The following DOC2B variants were observed in gnomAD, a reference collection of about 807,000 sequenced individuals.
DOC2B encodes double C2 domain beta.
Under a neutral mutation model 28.9 loss-of-function variants are expected in DOC2B, and 21 were observed. That is an observed-to-expected ratio of 0.73 (90% CI 0.52 to 1.05). The LOEUF (loss-of-function observed/expected upper bound fraction) is 1.05. DOC2B is among the 50% of genes least tolerant of loss of function. The probability of loss-of-function intolerance (pLI) is 0.00; values close to 1 mark genes in which losing one functional copy is unlikely to be tolerated. For missense variants in DOC2B, 384 were observed against 421.1 expected (o/e 0.91, Z 0.77); for synonymous variants, 194 against 178.1 (o/e 1.09, Z -0.71).
intron 1 of DOC2B, among the ~76,000 whole-genome samples, chr17:174,468 T>C (rs992525318): frequency 6.6e-6 from 1 of 152,220 alleles, no homozygotes; most frequent in Non-Finnish European, 1.5e-5. Flanking sequence ...CATTCTGGAA[T>C]GAAACTGTCC....
chr17:172,517 G>T lies in DOC2B; in HGVS notation c.453+20C>A, dbSNP rs148525551. 3.8e-3 allele frequency: 5,833 copies of T among 1,548,654 alleles called. 169 individuals carry two copies. The African/African-American group carries it at 0.07, about 19-fold the overall frequency. On this transcript the variant is annotated intron_variant, in intron 2 of 8. Transcript: ENST00000613549. ...AGGACCCCGGGGCAGGGAATTTGGG[G>T]GCAGGCTGGCGGGGCCTACCTTGGC...
chr17:159,001 G>A lies in DOC2B; in HGVS notation c.765+2414C>T, dbSNP rs180674392. Among the ~76,000 whole-genome samples, 122 of 145,978 alleles carry A rather than the reference G, an allele frequency of 8.4e-4. 1 individual carries two copies. Among genetic ancestry groups the A allele is most frequent in the Non-Finnish European group, 1.4e-3 (97 of 67,284 alleles). Reference sequence around the variant, plus strand: ...GGAGGTTGAAGTAAGCCGACATTGCGCCACTGCACTCCAGCCTGGGCGACA... The same window carrying A: ...GGAGGTTGAAGTAAGCCGACATTGCACCACTGCACTCCAGCCTGGGCGACA... On this transcript the variant is annotated intron_variant, in intron 5 of 8. Coordinates refer to ENST00000613549, the MANE Select transcript of DOC2B (RefSeq NM_003585.5).
At chr17:153,729 T>C (rs558460839) in intron 6 of DOC2B, among the ~76,000 whole-genome samples, 1 of 152,072 alleles carries the variant, frequency 6.6e-6, no homozygotes, top group East Asian at 1.9e-4. Context: ...CCATTTTGGC[T>C]TCAGATTGCA....
At chr17:159,047 A>AC (rs1415920011) in intron 5 of DOC2B, among the ~76,000 whole-genome samples, 2 of 151,684 alleles carry the variant, frequency 1.3e-5, no homozygotes, top group Non-Finnish European at 2.9e-5. Context: ...CTCATAAAAA[A>AC]AAAAAAAAAA....
At chr17:169,206 G>A (rs2040284108) in intron 2 of DOC2B, among the ~76,000 whole-genome samples, 1 of 152,092 alleles carries the variant, frequency 6.6e-6, no homozygotes, top group African/African-American at 2.4e-5. Flanking sequence ...ATTCTGCGGA[G>A]TGAAAGAAGG....
intron 2 of DOC2B, among the ~76,000 whole-genome samples, chr17:169,700 A>G (rs1242046322): frequency 6.6e-6 from 1 of 152,058 alleles, no homozygotes; most frequent in Non-Finnish European, 1.5e-5. Flanking sequence ...AGGGGGGACA[A>G]GCAAGGGTGC....
intron 6 of DOC2B, among the ~76,000 whole-genome samples, chr17:149,690 G>C (rs1413969667): frequency 6.6e-6 from 1 of 152,088 alleles, no homozygotes; most frequent in Non-Finnish European, 1.5e-5. Flanking sequence ...ATTTTCAGTA[G>C]AGACAGGGTT....
intron 1 of DOC2B, among the ~76,000 whole-genome samples, chr17:175,346 AGCT>A (rs1384039819): frequency 6.6e-6 from 1 of 152,262 alleles, no homozygotes; most frequent in Non-Finnish European, 1.5e-5. Context: ...CCTGCATGCT[AGCT>A]GCCATCTCCA....
intron 5 of DOC2B, among the ~76,000 whole-genome samples, chr17:159,001 G>C (rs180674392): frequency 1.1e-4 from 16 of 145,978 alleles, no homozygotes; most frequent in Middle Eastern, 3.6e-3. Flanking sequence ...CCGACATTGC[G>C]CCACTGCACT....
chr17:156,428 G>A, intron 5 of DOC2B, 51 bp from the exon 6 acceptor site: 1 of 1,532,814 alleles, frequency 6.5e-7, no homozygotes, highest in Non-Finnish European at 8.8e-7. Flanking sequence ...CCCCTCTCTT[G>A]GCCGTCCTTG....
At chr17:175,765 C>T (rs956097468) in intron 1 of DOC2B, among the ~76,000 whole-genome samples, 3 of 152,244 alleles carry the variant, frequency 2.0e-5, no homozygotes, top group African/African-American at 7.2e-5. Context: ...AGAGCGGCTG[C>T]CTGCTCCCCC....
intron 1 of DOC2B, among the ~76,000 whole-genome samples, chr17:176,169 T>G (rs2040367582): frequency 6.6e-6 from 1 of 151,382 alleles, no homozygotes; most frequent in Admixed American, 6.6e-5. Flanking sequence ...CCTGATAGTT[T>G]CTCCCTTAAA....
rs1217241505 is a variant in DOC2B, at chr17:181,509, GCCCGGCCCGGCGCGAC to G, written c.-46_-31del. ...GCAGCGCCGCCCCGCCCCGGGCGCG[GCCCGGCCCGGCGCGAC>G]CCCGGCCCGGGGGCGGCTCAGCAGG... On this transcript the variant is annotated 5_prime_UTR_variant, in exon 1 of 9. Coordinates refer to ENST00000613549, the MANE Select transcript of DOC2B (RefSeq NM_003585.5). This position sits in a 1 kb window ranked among gnomAD's most constrained non-coding sequence, Gnocchi z 7.0. 2.3e-5 allele frequency: 23 copies of G among 994,456 alleles called. No homozygotes were observed. Among genetic ancestry groups the G allele is most frequent in the Admixed American group, 6.2e-5 (1 of 16,206 alleles). 61.6% of individuals were successfully genotyped at this position (994,456 alleles called of 1,614,324 possible).
At chr17:176,759 C>T (rs760923200) in intron 1 of DOC2B, among the ~76,000 whole-genome samples, 37 of 152,242 alleles carry the variant, frequency 2.4e-4, no homozygotes, top group African/African-American at 5.3e-4. Context: ...GCCCTTGGAG[C>T]GCTCCAATCA....
Position 181,096 on chromosome 17 carries a change from G to C in DOC2B, c.373+11C>G. On this transcript the variant is annotated intron_variant, in intron 1 of 8. Coordinates refer to ENST00000613549, the MANE Select transcript of DOC2B (RefSeq NM_003585.5). The surrounding 1 kb of genome is among the most constrained non-coding windows in gnomAD (Gnocchi z 7.0). ...GGGAGGGGGCGCGAAGTCGGCGCGT[G>C]GGAAACTTACTGCAGTCGTCCGACT... The C allele has an allele frequency of 1.6e-6, 2 of 1,241,328 alleles. No individual in the cohort carries two copies. The highest frequency in any genetic ancestry group is 6.5e-5 in the East Asian group (2 of 30,772). The allele number at this position is 1,241,328 out of a possible 1,614,324, so 76.9% of individuals were successfully genotyped here.
rs1333719269 is a variant in DOC2B, at chr17:142,844, T to C, written c.*4597A>G. On this transcript the variant is annotated 3_prime_UTR_variant, in exon 9 of 9. Coordinates refer to ENST00000613549, the MANE Select transcript of DOC2B (RefSeq NM_003585.5). ...GAGAAATTTCTGACCTAAAGAATGA[T>C]GTACAATAAACTGTATTCAACAATT... 2.0e-5 allele frequency: 3 copies of C among 152,218 alleles called. No homozygotes were observed. Among genetic ancestry groups the C allele is most frequent in the African/African-American group, 7.2e-5 (3 of 41,460 alleles). The allele number at this position is 152,218 out of a possible 1,614,324, so 9.4% of individuals were successfully genotyped here. A position where few individuals can be genotyped will look rare whatever the true frequency, so the allele number is the denominator to read the frequency against.
At chr17:160,380 T>C (rs568690450) in intron 5 of DOC2B, among the ~76,000 whole-genome samples, 84 of 152,254 alleles carry the variant, frequency 5.5e-4, no homozygotes, top group African/African-American at 1.7e-3. Context: ...AGGAATAAAA[T>C]TGGATCAAAT....
intron 6 of DOC2B, among the ~76,000 whole-genome samples, chr17:149,693 A>G (rs1402915542): frequency 8.5e-5 from 13 of 152,074 alleles, no homozygotes; most frequent in Admixed American, 4.6e-4. Flanking sequence ...TTCAGTAGAG[A>G]CAGGGTTTCA....
chr17:147,391 CGG>C lies in DOC2B; in HGVS notation c.*48_*49del. 1 of 398,812 alleles carries C rather than the reference CGG, an allele frequency of 2.5e-6. No individual in the cohort carries two copies. The highest frequency in any genetic ancestry group is 4.4e-6 in the Non-Finnish European group (1 of 226,234). The allele number at this position is 398,812 out of a possible 1,614,324, so 24.7% of individuals were successfully genotyped here. A position where few individuals can be genotyped will look rare whatever the true frequency, so the allele number is the denominator to read the frequency against. On this transcript the variant is annotated 3_prime_UTR_variant, in exon 9 of 9. Coordinates refer to ENST00000613549, the MANE Select transcript of DOC2B (RefSeq NM_003585.5). ...GGTGGCTGCTGGGGAAGCCCGGGGC[CGG>C]CCGTGCTGGGCGCAGGTGGCGGCAG...
Sources: allele counts gnomAD v4.1 joint callset (sites outside exome capture counted in the v4.1 genomes callset), GRCh38; gene constraint gnomAD v4.1.1; non-coding constraint Gnocchi (gnomAD v3.1); transcripts MANE v1.5; gene names NCBI Gene and HGNC (gene_info 2026-07-23, HGNC 2026-07-21).